Variants in SPTAN1 observed in about 807,000 individuals in gnomAD.
SPTAN1 encodes the protein spectrin alpha, non-erythrocytic 1, also known as spectrin alpha chain, non-erythrocytic 1.
In SPTAN1, 61 loss-of-function variants were observed where a neutral mutation model predicts 331.3. That is an observed-to-expected ratio of 0.18 (90% CI 0.15 to 0.23). The LOEUF (loss-of-function observed/expected upper bound fraction) is 0.23, where lower values mean the gene tolerates loss of function less well. SPTAN1 is among the 10% of genes least tolerant of loss of function. SPTAN1 has a pLI of 1.00. For missense variants in SPTAN1, 2,043 were observed against 3,147.9 expected, an observed-to-expected ratio of 0.65 and a Z score of 8.40; for synonymous variants, 1,153 against 1,173.9, an observed-to-expected ratio of 0.98 and a Z score of 0.36.
intron 27 of SPTAN1, among the ~76,000 whole-genome samples, chr9:128,602,359 G>A (rs549892132): frequency 5.2e-4 from 79 of 151,884 alleles, no homozygotes; most frequent in African/African-American, 1.8e-3. Flanking sequence ...TAGGATTACA[G>A]GCACCCGCCA....
chr9:128,589,575 CTTTTTT>C (rs57225212), intron 21 of SPTAN1, among the ~76,000 whole-genome samples: 2 of 106,498 alleles, frequency 1.9e-5, no homozygotes, highest in East Asian at 2.8e-4. Context: ...CGTGCCCGGC[CTTTTTT>C]TTTTTTTTTT....
chr9:128,597,524 A>G (rs563964306), intron 24 of SPTAN1, among the ~76,000 whole-genome samples: 4 of 152,318 alleles, frequency 2.6e-5, no homozygotes, highest in South Asian at 4.1e-4. Flanking sequence ...CCCGTCTCCA[A>G]AAAAGACAAA....
chr9:128,633,197 C>G lies in SPTAN1; in HGVS notation c.7309-12C>G. 1.9e-6 allele frequency: 3 copies of G among 1,613,990 alleles called. No individual in the cohort carries two copies. The highest frequency in any genetic ancestry group is 2.5e-6 in the Non-Finnish European group (3 of 1,179,998). On this transcript the variant is annotated splice_polypyrimidine_tract_variant and intron_variant, in intron 56 of 56. Transcript: ENST00000372739. ...CTGGCTCAGGCACCAGGTGCCATCT[C>G]TTACCCCACAGAACCTGACCCGGGA...
chr9:128,621,424 C>T (rs1857838154), intron 45 of SPTAN1, among the ~76,000 whole-genome samples, 168 bp downstream of exon 45: 1 of 152,152 alleles, frequency 6.6e-6, no homozygotes. Context: ...GGATATTTCC[C>T]CCTTTTTGAA....
chr9:128,628,614 GT>G, intron 51 of SPTAN1: 1 of 196,338 alleles, frequency 5.1e-6, no homozygotes, highest in Non-Finnish European at 1.1e-5. Flanking sequence ...GCCTGGCCGG[GT>G]CACCTTTGTA....
chr9:128,598,344 C>G lies in SPTAN1; in HGVS notation c.3415-56C>G, dbSNP rs958987672. On this transcript the variant is annotated intron_variant, in intron 24 of 56. Coordinates refer to ENST00000372739, the MANE Select transcript of SPTAN1 (RefSeq NM_001130438.3). ...CAAGCCATAGTTTGTGACTATGTCTCCTTTGACTTTGGCTTGCTATTTTGG... is the reference window on the plus strand; with the variant it reads ...CAAGCCATAGTTTGTGACTATGTCTGCTTTGACTTTGGCTTGCTATTTTGG... 7.5e-6 allele frequency: 10 copies of G among 1,334,548 alleles called. No individual in the cohort carries two copies. The South Asian group carries it at 1.2e-4, about 16-fold the overall frequency. The allele number at this position is 1,334,548 out of a possible 1,614,324, so 82.7% of individuals were successfully genotyped here. A position where few individuals can be genotyped will look rare whatever the true frequency, so the allele number is the denominator to read the frequency against.
intron 43 of SPTAN1, 48 bp downstream of exon 43, chr9:128,618,156 A>G (rs1857406449): frequency 3.7e-6 from 6 of 1,610,200 alleles, no homozygotes; most frequent in Non-Finnish European, 8.5e-7. Flanking sequence ...GAAGGCCAGC[A>G]CCCAAGGGCA....
chr9:128,625,047 T>G lies in SPTAN1; in HGVS notation c.5993-56T>G. On this transcript the variant is annotated intron_variant, in intron 46 of 56. Coordinates refer to ENST00000372739, the MANE Select transcript of SPTAN1 (RefSeq NM_001130438.3). This position sits in a 1 kb window ranked among gnomAD's most constrained non-coding sequence, Gnocchi z 4.1. ...TTTGTCTGGGTTTTGATGTTTTTCC[T>G]TTCTAATCCATCTCCACTGAGGAGG... is the stretch of plus-strand genomic sequence containing the variant. The G allele has an allele frequency of 6.5e-7, 1 of 1,541,620 alleles. No individual in the cohort carries two copies. Among genetic ancestry groups the G allele is most frequent in the Non-Finnish European group, 9.0e-7 (1 of 1,114,206 alleles).
At position 128,579,635 on chromosome 9, in the gene SPTAN1, A is replaced by AGG; in HGVS notation, c.1222_1223dup. 6.2e-7 allele frequency: 1 copy of AGG among 1,613,106 alleles called. No individual in the cohort carries two copies. Among genetic ancestry groups the AGG allele is most frequent in the Non-Finnish European group, 8.5e-7 (1 of 1,179,108 alleles). ...TCATGGCTTTGTTTTTTTCTCCTGT[A>AGG]GGGTGAAATTGATGCCCATGAAGAC... On this transcript the variant is annotated splice_acceptor_variant, in intron 9 of 56. Transcript: ENST00000372739. LOFTEE classifies it high-confidence loss of function.
In SPTAN1 at chr9:128,627,211, A is replaced by G. The variant is rs969591904; in HGVS notation, c.6577-175A>G. The stretch of plus-strand genomic sequence containing the variant: ...TCCTTGAAGCCCCTGGGGGGTGGGA[A>G]CAGAGAAAGAACTACCAAGTGCTCT... On this transcript the variant is annotated intron_variant, in intron 49 of 56. Transcript: ENST00000372739. This position sits in a 1 kb window ranked among gnomAD's most constrained non-coding sequence, Gnocchi z 4.9. 1.2e-5 allele frequency: 8 copies of G among 652,794 alleles called. No homozygotes were observed. In the African/African-American group the frequency reaches 1.4e-4, roughly 12 times the overall value. The allele number at this position is 652,794 out of a possible 1,614,324, so 40.4% of individuals were successfully genotyped here. A position where few individuals can be genotyped will look rare whatever the true frequency, so the allele number is the denominator to read the frequency against.
At position 128,607,886 on chromosome 9, in the gene SPTAN1, C is replaced by G. The variant is rs1856093942; in HGVS notation, c.4181C>G (p.Thr1394Ser). Reference protein sequence around the residue: ...HRTEIDARAGTFQAFEQFGQQ... With the variant: ...HRTEIDARAGSFQAFEQFGQQ... ...ACAGAAATCGATGCCAGGGCTGGCA[C>G]TTTCCAGGCATTTGAGCAGTTTGGA... Residue 1394 changes from threonine (T) to serine (S), a missense_variant, in exon 33 of 57, where the codon ACT becomes AGT. This residue lies in a region of SPTAN1 where 179 missense variants were observed against 215.7 expected (regional missense o/e 0.83). Coordinates refer to ENST00000372739, the MANE Select transcript of SPTAN1 (RefSeq NM_001130438.3). 3.7e-6 allele frequency: 6 copies of G among 1,614,016 alleles called. No individual in the cohort carries two copies. The African/African-American group carries it at 6.7e-5, about 18-fold the overall frequency.
At chr9:128,600,187 G>A in intron 27 of SPTAN1, 72 bp downstream of exon 27, 1 of 1,510,218 alleles carries the variant, frequency 6.6e-7, no homozygotes, top group Non-Finnish European at 9.2e-7. Flanking sequence ...TTTCTGGTGT[G>A]CCTTTCTCTG....
intron 53 of SPTAN1, 32 bp from the exon 54 acceptor site, chr9:128,632,399 G>A: frequency 1.2e-6 from 2 of 1,613,884 alleles, no homozygotes; most frequent in Non-Finnish European, 8.5e-7. Context: ...CTGTGTGGAG[G>A]GTCTGTTCCC....
intron 38 of SPTAN1, 100 bp from the exon 39 acceptor site, chr9:128,612,009 G>GT: frequency 6.2e-7 from 1 of 1,607,808 alleles, no homozygotes; most frequent in South Asian, 1.1e-5. Context: ...TCCTATGAGT[G>GT]TTTTCCATTC....
At position 128,625,660 on chromosome 9, in the gene SPTAN1, A is replaced by G; in HGVS notation, c.6070-109A>G. 1.0e-6 allele frequency: 1 copy of G among 997,556 alleles called. No individual in the cohort carries two copies. The highest frequency in any genetic ancestry group is 1.6e-6 in the Non-Finnish European group (1 of 632,724). The allele number at this position is 997,556 out of a possible 1,614,324, so 61.8% of individuals were successfully genotyped here. ...CTGAGTCTCAGCAGTGTCCAGGTGG[A>G]CAGTTTGGCTTGGGCATCTGGGGGA... is the stretch of plus-strand genomic sequence containing the variant. On this transcript the variant is annotated intron_variant, in intron 47 of 56. Transcript: ENST00000372739. This position sits in a 1 kb window ranked among gnomAD's most constrained non-coding sequence, Gnocchi z 4.1.
intron 41 of SPTAN1, among the ~76,000 whole-genome samples, chr9:128,616,926 T>C (rs1005327585): frequency 5.3e-5 from 8 of 152,026 alleles, no homozygotes; most frequent in Non-Finnish European, 1.0e-4. Flanking sequence ...AGCAAGACTT[T>C]GTCTCAAAAA....
intron 9 of SPTAN1, among the ~76,000 whole-genome samples, chr9:128,579,017 T>G (rs1164462611): frequency 6.6e-6 from 1 of 152,124 alleles, no homozygotes; most frequent in Non-Finnish European, 1.5e-5. Flanking sequence ...TGTAAGACAC[T>G]TCTGGAGAAA....
At chr9:128,590,552 AAG>A (rs66615866) in intron 21 of SPTAN1, among the ~76,000 whole-genome samples, 2,678 of 146,206 alleles carry the variant, frequency 0.018, 157 homozygotes, top group African/African-American at 0.066. Flanking sequence ...TATATTAAAA[AAG>A]AAAAAAAAAA....
At chr9:128,612,452 T>C (rs1474733651) in intron 39 of SPTAN1, among the ~76,000 whole-genome samples, 1 of 152,184 alleles carries the variant, frequency 6.6e-6, no homozygotes, top group African/African-American at 2.4e-5. Flanking sequence ...TAGTGGCACT[T>C]GGACTACAGG....
Sources: allele counts gnomAD v4.1 joint callset (sites outside exome capture counted in the v4.1 genomes callset), GRCh38; gene constraint gnomAD v4.1.1; regional missense constraint gnomAD v4.1.1; non-coding constraint Gnocchi (gnomAD v3.1); transcripts MANE v1.5; gene names NCBI Gene and HGNC (gene_info 2026-07-23, HGNC 2026-07-21).